MAP3K12: variants seen among roughly 807,000 people sequenced by gnomAD.
The protein encoded by MAP3K12 is MAPK-upstream kinase.
Under a neutral mutation model 87.5 loss-of-function variants are expected in MAP3K12, and 14 were observed. That is an observed-to-expected ratio of 0.16 (90% CI 0.11 to 0.25). The LOEUF (loss-of-function observed/expected upper bound fraction) is 0.25, where lower values mean the gene tolerates loss of function less well. Among genes scored for constraint, MAP3K12 ranks in the 10% least tolerant of loss-of-function variants. The pLI, the probability that MAP3K12 is intolerant of heterozygous loss-of-function variation, is 1.00. For synonymous variants in MAP3K12, 469 were observed against 452.5 expected, an observed-to-expected ratio of 1.04 and a Z score of -0.46; for missense variants, 802 against 1,140.4, an observed-to-expected ratio of 0.70 and a Z score of 4.27.
At chr12:53,482,392 G>A (rs766874288) in intron 11 of MAP3K12, 23 bp from the exon 12 acceptor site, 2 of 1,613,100 alleles carry the variant, frequency 1.2e-6, no homozygotes, top group Non-Finnish European at 1.7e-6. Flanking sequence ...TGGGGTGGGG[G>A]GGGTCTGATT....
At chr12:53,495,212 G>A (rs1445316950) in intron 1 of MAP3K12, among the ~76,000 whole-genome samples, 1 of 151,104 alleles carries the variant, frequency 6.6e-6, no homozygotes, top group Non-Finnish European at 1.5e-5. Context: ...GGTGGCGGAC[G>A]CCTGTAGTCC....
chr12:53,494,107 C>T (rs1361165724), intron 1 of MAP3K12, among the ~76,000 whole-genome samples: 1 of 152,260 alleles, frequency 6.6e-6, no homozygotes, highest in Admixed American at 6.5e-5. Flanking sequence ...CTGTGTCCCA[C>T]TGCCCCCTGG....
chr12:53,491,287 C>CAAAAAAAAAAAAAA (rs780256956), intron 1 of MAP3K12, among the ~76,000 whole-genome samples: 24 of 52,804 alleles, frequency 4.5e-4, no homozygotes, highest in East Asian at 2.9e-3. Flanking sequence ...GACTCTGTCT[C>CAAAAAAAAAAAAAA]AAAAAAAAAA....
chr12:53,482,100 T>C lies in MAP3K12; in HGVS notation c.2421A>G (p.Glu807=), dbSNP rs750553220. The part of the protein sequence containing the change: ...ASEPSPSGTP[E]VGSTNTDERP... The stretch of plus-strand genomic sequence containing the variant: ...GCTCATCAGTGTTGGTGCTGCCAAC[T>C]TCAGGTGTGCCACTGGGGGAAGGTT... Residue 807 remains glutamate (E), a synonymous_variant, in exon 13 of 14, where the codon GAA becomes GAG. Coordinates refer to ENST00000547488, the MANE Select transcript of MAP3K12 (RefSeq NM_001193511.2). The C allele has an allele frequency of 1.9e-6, 3 of 1,614,214 alleles. No individual in the cohort carries two copies. The Admixed American group carries it at 5.0e-5, about 27-fold the overall frequency.
At chr12:53,491,212 C>T (rs867763887) in intron 1 of MAP3K12, among the ~76,000 whole-genome samples, 27 of 131,520 alleles carry the variant, frequency 2.1e-4, no homozygotes, top group African/African-American at 6.7e-4. Flanking sequence ...CACTTGAACC[C>T]GGGAGGCGGA....
chr12:53,492,478 C>T (rs1943441155), intron 1 of MAP3K12, among the ~76,000 whole-genome samples: 1 of 152,108 alleles, frequency 6.6e-6, no homozygotes, highest in Admixed American at 6.6e-5. Context: ...CAAACACACA[C>T]ACAAAACTAG....
chr12:53,482,414 G>T (rs767079750), intron 11 of MAP3K12, 45 bp from the exon 12 acceptor site: 1 of 1,610,338 alleles, frequency 6.2e-7, no homozygotes, highest in Non-Finnish European at 8.5e-7. Flanking sequence ...GAAGTGGAAA[G>T]AGGTCACTAA....
At chr12:53,485,926 C>T in intron 4 of MAP3K12, 130 bp downstream of exon 4, 3 of 794,232 alleles carry the variant, frequency 3.8e-6, no homozygotes, top group East Asian at 2.6e-5. Flanking sequence ...TGAGATGGGA[C>T]TGTCACTTGG....
intron 1 of MAP3K12, among the ~76,000 whole-genome samples, chr12:53,496,388 G>A (rs912903480): frequency 4.6e-5 from 7 of 152,074 alleles, no homozygotes; most frequent in African/African-American, 1.2e-4. Context: ...AGTTGTCTCT[G>A]GAATCTGCTC....
chr12:53,483,959 A>G lies in MAP3K12; in HGVS notation c.1310T>C (p.Leu437Pro), dbSNP rs766482728. The G allele has an allele frequency of 1.2e-6, 2 of 1,614,072 alleles. No individual in the cohort carries two copies. Among genetic ancestry groups the G allele is most frequent in the Admixed American group, 1.7e-5 (1 of 60,004 alleles). ...CACCAGTTCCTCTTCTAGGCGGTGC[A>G]GACAGGTCCCTTCTGACTTAATCTT... ...FEKIKSEGTC[L>P]HRLEEELVMR... is the part of the protein sequence containing the mutation. The change falls in exon 8 of 14, where the codon CTG (leucine) becomes CCG (proline). Residue 437 changes from leucine (L) to proline (P), a missense_variant. Around this residue, in one of 5 missense-constraint regions of MAP3K12, gnomAD observed 99 missense variants for 193.4 expected, o/e 0.51. Transcript: ENST00000547488.
Position 53,486,604 on chromosome 12 carries a change from A to G in MAP3K12, c.464T>C (p.Phe155Ser). 1 of 1,605,292 alleles carries G rather than the reference A, an allele frequency of 6.2e-7. No homozygotes were observed. ...QQQEDLWEVPFEEILDLQWVG... is the reference protein window; with the variant it reads ...QQQEDLWEVPSEEILDLQWVG... ...CCACTGCAGGTCCAGGATTTCCTCA[A>G]AGGGGACCTCCCAAAGGTCTGTGGG... Residue 155 changes from phenylalanine (F) to serine (S), a missense_variant, in exon 3 of 14, where the codon TTT (phenylalanine) becomes TCT (serine). Phe to Ser is a radical substitution (Grantham distance 155). This residue lies in a region of MAP3K12 where 57 missense variants were observed against 161.8 expected (regional missense o/e 0.35). Transcript: ENST00000547488. This position sits in a 1 kb window ranked among gnomAD's most constrained non-coding sequence, Gnocchi z 4.9.
In MAP3K12 at chr12:53,483,743, TC is replaced by T. The variant is rs1280620839; in HGVS notation, c.1359-21del. 1.9e-6 allele frequency: 3 copies of T among 1,613,558 alleles called. No individual in the cohort carries two copies. The highest frequency in any genetic ancestry group is 1.7e-5 in the Admixed American group (1 of 60,012). On this transcript the variant is annotated intron_variant, in intron 8 of 13. Transcript: ENST00000547488. ...GCGTGTCTGCAACGGGCAGAAAGGT[TC>T]CCCAAGGTGAACTGGGTTCACCTAG...
intron 12 of MAP3K12, 39 bp from the exon 13 acceptor site, chr12:53,482,250 C>T (rs371951580): frequency 1.2e-6 from 2 of 1,614,082 alleles, no homozygotes; most frequent in South Asian, 1.1e-5. Flanking sequence ...TGGTTCTGCC[C>T]CTAGCAGAAA....
In MAP3K12 at chr12:53,486,639, C is replaced by G. The variant is rs991565920; in HGVS notation, c.446-17G>C. The G allele has an allele frequency of 3.8e-6, 6 of 1,561,008 alleles. No individual in the cohort carries two copies. The highest frequency in any genetic ancestry group is 5.2e-6 in the Non-Finnish European group (6 of 1,154,560). On this transcript the variant is annotated splice_polypyrimidine_tract_variant and intron_variant, in intron 2 of 13. Transcript: ENST00000547488. The surrounding 1 kb of genome is among the most constrained non-coding windows in gnomAD (Gnocchi z 4.9). ...CCCAAAGGTCTGTGGGCAGGAGGCA[C>G]AGTGCCACAAGCCTCAGAAAGAGCC...
Position 53,486,001 on chromosome 12 carries a change from T to C in MAP3K12, c.821+55A>G. 1 of 1,523,502 alleles carries C rather than the reference T, an allele frequency of 6.6e-7. No individual in the cohort carries two copies. The highest frequency in any genetic ancestry group is 8.9e-7 in the Non-Finnish European group (1 of 1,123,342). 94.4% of individuals were successfully genotyped at this position (1,523,502 alleles called of 1,614,324 possible). A position where few individuals can be genotyped will look rare whatever the true frequency, so the allele number is the denominator to read the frequency against. On this transcript the variant is annotated intron_variant, in intron 4 of 13. Transcript: ENST00000547488. The surrounding 1 kb of genome is among the most constrained non-coding windows in gnomAD (Gnocchi z 4.9). ...TTTGGAAGCCGGGAGAAGGCCACACTGACTTGAGTGGGTCACCTGCATGCA... is the reference window on the plus strand; with the variant it reads ...TTTGGAAGCCGGGAGAAGGCCACACCGACTTGAGTGGGTCACCTGCATGCA...
At chr12:53,485,961 G>T in intron 4 of MAP3K12, 95 bp downstream of exon 4, 1 of 1,193,198 alleles carries the variant, frequency 8.4e-7, no homozygotes, top group Non-Finnish European at 1.2e-6. Context: ...ATGGCCACAT[G>T]GACCTAGGGC....
Position 53,498,908 on chromosome 12 carries a change from CTGTGTGTGTGTGTGTGTGTGTG to C in MAP3K12, c.-38+497_-38+518del, listed in dbSNP as rs71068135. On this transcript the variant is annotated intron_variant, in intron 1 of 13. Transcript: ENST00000547488. The stretch of plus-strand genomic sequence containing the variant: ...CTGACTAATCTTCAGGTCCAGCCTG[CTGTGTGTGTGTGTGTGTGTGTG>C]TGTGTGTGTGTGTGTGTGTGTGTGT... Among the ~76,000 whole-genome samples, 85 of 108,404 alleles carry C rather than the reference CTGTGTGTGTGTGTGTGTGTGTG, an allele frequency of 7.8e-4. 1 individual carries two copies. Among genetic ancestry groups the C allele is most frequent in the Admixed American group, 1.9e-3 (19 of 10,052 alleles). 71.1% of individuals were successfully genotyped at this position (108,404 alleles called of 152,430 possible). A position where few individuals can be genotyped will look rare whatever the true frequency, so the allele number is the denominator to read the frequency against.
chr12:53,494,537 A>T (rs995717340), intron 1 of MAP3K12, among the ~76,000 whole-genome samples: 1 of 152,178 alleles, frequency 6.6e-6, no homozygotes, highest in African/African-American at 2.4e-5. Flanking sequence ...AGCCTGTGGC[A>T]GGTAAACTCT....
rs1943021263 is a variant in MAP3K12, at chr12:53,481,125, GTATATATATATAATT to G, written c.*42_*56del. On this transcript the variant is annotated 3_prime_UTR_variant, in exon 14 of 14. Coordinates refer to ENST00000547488, the MANE Select transcript of MAP3K12 (RefSeq NM_001193511.2). The stretch of plus-strand genomic sequence containing the variant: ...ATGTGGCGCATATATATATATATAT[GTATATATATATAATT>G]TATATAAATATTTCTCTATGTACAA... 10 of 529,722 alleles carry G rather than the reference GTATATATATATAATT, an allele frequency of 1.9e-5. No individual in the cohort carries two copies. Among genetic ancestry groups the G allele is most frequent in the Non-Finnish European group, 2.7e-5 (10 of 373,120 alleles). 32.8% of individuals were successfully genotyped at this position (529,722 alleles called of 1,614,324 possible). A position where few individuals can be genotyped will look rare whatever the true frequency, so the allele number is the denominator to read the frequency against.
Sources: gnomAD v4.1 joint callset for allele counts (sites outside exome capture counted in the v4.1 genomes callset) on GRCh38, gnomAD v4.1.1 for gene constraint, gnomAD v4.1.1 regional missense constraint, Gnocchi (gnomAD v3.1) non-coding constraint, MANE v1.5 for transcripts, NCBI Gene and HGNC (gene_info 2026-07-23, HGNC 2026-07-21) for gene names.